The following CPT2 variants were observed in gnomAD, a reference collection of about 807,000 sequenced individuals.
CPT2 encodes carnitine palmitoyltransferase 2.
CPT2 carries 37 observed loss-of-function variants against 48.6 expected under a neutral mutation model. That is an observed-to-expected ratio of 0.76 (90% CI 0.59 to 1.00). The LOEUF is 1.00. CPT2 is among the 50% of genes least tolerant of loss of function. The pLI is 0.00. For synonymous variants in CPT2, 319 were observed against 326.9 expected (o/e 0.98, Z 0.26); for missense variants, 772 against 825.6 (o/e 0.94, Z 0.80).
chr1:53,206,890 T>A (rs1359659620), intron 3 of CPT2, among the ~76,000 whole-genome samples: 1 of 152,182 alleles, frequency 6.6e-6, no homozygotes, highest in East Asian at 1.9e-4. Flanking sequence ...ATGTTAGAAG[T>A]ACATGAAATT....
intron 2 of CPT2, chr1:53,201,853 C>G (rs2100261247): frequency 5.7e-6 from 1 of 174,744 alleles, no homozygotes; most frequent in East Asian, 1.6e-4. Context: ...GTAATAGCTA[C>G]CAGTTATTGA....
rs180830030 is a variant in CPT2, at chr1:53,209,999, T to C, written c.341-16T>C. On this transcript the variant is annotated splice_polypyrimidine_tract_variant and intron_variant, in intron 3 of 4. Transcript: ENST00000371486. ...GCATTAACATTTTATGTTATTTTTT[T>C]CTTTTTATTTTTTAGGACCCTGGTT... is the stretch of plus-strand genomic sequence containing the variant. The C allele has an allele frequency of 2.1e-3, 3,289 of 1,603,190 alleles. 2 individuals carry two copies. The highest frequency in any genetic ancestry group is 2.6e-3 in the Non-Finnish European group (2,997 of 1,170,462).
At chr1:53,203,178 C>T (rs1259918081) in intron 3 of CPT2, 1 of 152,344 alleles carries the variant, frequency 6.6e-6, no homozygotes, top group African/African-American at 2.4e-5. Context: ...AAATTAGATA[C>T]TTACCTTACT....
At position 53,200,901 on chromosome 1, in the gene CPT2, G is replaced by A; in HGVS notation, c.233+102G>A. 18 of 928,872 alleles carry A rather than the reference G, an allele frequency of 1.9e-5. No individual in the cohort carries two copies. In the South Asian group the frequency reaches 2.3e-4, roughly 12 times the overall value. 57.5% of individuals were successfully genotyped at this position (928,872 alleles called of 1,614,324 possible). A position where few individuals can be genotyped will look rare whatever the true frequency, so the allele number is the denominator to read the frequency against. ...CAGGGAATGTCTGTGACGTGGCTGG[G>A]TCTCCAGGAACCCAGAACCTAGTTG... On this transcript the variant is annotated intron_variant, in intron 2 of 4. Coordinates refer to ENST00000371486, the MANE Select transcript of CPT2 (RefSeq NM_000098.3).
intron 3 of CPT2, chr1:53,208,201 C>G (rs912712226): frequency 2.0e-5 from 3 of 152,188 alleles, no homozygotes; most frequent in African/African-American, 7.2e-5. Flanking sequence ...GCCTCCTTCA[C>G]CAGAGTTTTT....
intron 1 of CPT2, among the ~76,000 whole-genome samples, chr1:53,198,249 C>A (rs986342923): frequency 5.9e-5 from 9 of 152,210 alleles, no homozygotes; most frequent in Admixed American, 6.5e-5. Flanking sequence ...TCCCCACACT[C>A]CAAGAGCTAG....
rs1254482442 is a variant in CPT2 at position 53,213,149 on chromosome 1, T to C, written c.1646-115T>C. On this transcript the variant is annotated intron_variant, in intron 4 of 4. Coordinates refer to ENST00000371486, the MANE Select transcript of CPT2 (RefSeq NM_000098.3). ...TGGTGGTGTGCATAGAGGTAGAGCCTTCCCCCACTCTCAAGGATGCTGTGA... is the reference window on the plus strand; with the variant it reads ...TGGTGGTGTGCATAGAGGTAGAGCCCTCCCCCACTCTCAAGGATGCTGTGA... The C allele has an allele frequency of 3.1e-6, 3 of 969,194 alleles. No individual in the cohort carries two copies. The South Asian group carries it at 4.0e-5, about 13-fold the overall frequency. The allele number at this position is 969,194 out of a possible 1,614,324, so 60.0% of individuals were successfully genotyped here.
chr1:53,209,528 A>G (rs1172495287), intron 3 of CPT2: 1 of 192,534 alleles, frequency 5.2e-6, no homozygotes, highest in East Asian at 1.3e-4. Context: ...CCTTAAAAAC[A>G]TTATTAGGAG....
At chr1:53,202,258 C>A in intron 2 of CPT2, 65 bp from the exon 3 acceptor site, 1 of 1,332,910 alleles carries the variant, frequency 7.5e-7, no homozygotes, top group Non-Finnish European at 1.1e-6. Flanking sequence ...GAGTTCCTCG[C>A]CATGAACCTA....
At chr1:53,198,539 T>G (rs1212361202) in intron 1 of CPT2, among the ~76,000 whole-genome samples, 1 of 152,224 alleles carries the variant, frequency 6.6e-6, no homozygotes, top group East Asian at 1.9e-4. Flanking sequence ...AACCTGTGTG[T>G]ATGAGCTGAG....
intron 3 of CPT2, among the ~76,000 whole-genome samples, chr1:53,206,141 C>A (rs866600160): frequency 2.4e-4 from 36 of 150,022 alleles, no homozygotes; most frequent in African/African-American, 8.6e-4. Context: ...CAAGATAGCA[C>A]CACTGCACTC....
At chr1:53,209,928 C>A in intron 3 of CPT2, 87 bp from the exon 4 acceptor site, 3 of 1,152,062 alleles carry the variant, frequency 2.6e-6, no homozygotes, top group Non-Finnish European at 3.8e-6. Context: ...TTTCCTTTGT[C>A]TATGCTTGAA....
chr1:53,204,350 T>C (rs917631200), intron 3 of CPT2: 2 of 152,126 alleles, frequency 1.3e-5, no homozygotes, highest in Non-Finnish European at 2.9e-5. Flanking sequence ...AACCTGTTTT[T>C]AAAACTCCTG....
rs1380262670 is a variant in CPT2 at position 53,211,198 on chromosome 1, T to C, written c.1524T>C (p.Tyr508=). ...AGACCATCCGCCCGGCCTCCGTCTA[T>C]ACAAAGAGGTGCTCTGAGGCCTTTG... is the stretch of plus-strand genomic sequence containing the variant. The part of the protein sequence containing the change: ...RTETIRPASV[Y]TKRCSEAFVR... Residue 508 remains tyrosine, a synonymous_variant, in exon 4 of 5, where the codon TAT becomes TAC. Transcript: ENST00000371486. 1 of 1,609,654 alleles carries C rather than the reference T, an allele frequency of 6.2e-7. No homozygotes were observed. Among genetic ancestry groups the C allele is most frequent in the East Asian group, 2.2e-5 (1 of 44,794 alleles).
rs915617018 is a variant in CPT2, at chr1:53,213,042, A to G, written c.1646-222A>G. 3 of 602,294 alleles carry G rather than the reference A, an allele frequency of 5.0e-6. No homozygotes were observed. The African/African-American group carries it at 5.6e-5, about 11-fold the overall frequency. 37.3% of individuals were successfully genotyped at this position (602,294 alleles called of 1,614,324 possible). ...ATTTTTAGCTCAGCTGTTGACAGCT[A>G]TTTTTAAATGTAACATGACATAATA... On this transcript the variant is annotated intron_variant, in intron 4 of 4. Coordinates refer to ENST00000371486, the MANE Select transcript of CPT2 (RefSeq NM_000098.3).
chr1:53,204,925 G>C (rs1180043453), intron 3 of CPT2, among the ~76,000 whole-genome samples: 1 of 152,150 alleles, frequency 6.6e-6, no homozygotes, highest in Non-Finnish European at 1.5e-5. Flanking sequence ...GGAACTGTCA[G>C]TCAATTAGAC....
chr1:53,201,124 T>C (rs1048332869), intron 2 of CPT2: 2 of 397,566 alleles, frequency 5.0e-6, no homozygotes, highest in East Asian at 5.8e-5. Flanking sequence ...GGGAGGTCCA[T>C]TGAGGAGACC....
rs753074621 is a variant in CPT2 at position 53,211,172 on chromosome 1, G to A, written c.1498G>A (p.Glu500Lys). ...TGCCGCATTCAAGCACGGCCGCACT[G>A]AGACCATCCGCCCGGCCTCCGTCTA... Reference protein sequence around the residue: ...STAAFKHGRTETIRPASVYTK... With the variant: ...STAAFKHGRTKTIRPASVYTK... Residue 500 changes from glutamate to lysine, a missense_variant, in exon 4 of 5, where the codon GAG (glutamate) becomes AAG (lysine). By Grantham distance (56) the Glu-to-Lys change is moderately conservative. Coordinates refer to ENST00000371486, the MANE Select transcript of CPT2 (RefSeq NM_000098.3). 1 of 1,609,874 alleles carries A rather than the reference G, an allele frequency of 6.2e-7. No homozygotes were observed. The highest frequency in any genetic ancestry group is 8.5e-7 in the Non-Finnish European group (1 of 1,177,070).
Position 53,205,290 on chromosome 1 carries a change from G to A in CPT2, c.340+2861G>A, listed in dbSNP as rs1204437188. ...ACTGTGCTTTAGCAGAGAGACTGGT[G>A]GCATTTTGTCCCTGTCCTAGAGATC... is the stretch of plus-strand genomic sequence containing the variant. On this transcript the variant is annotated intron_variant, in intron 3 of 4. Coordinates refer to ENST00000371486, the MANE Select transcript of CPT2 (RefSeq NM_000098.3). 2.0e-5 allele frequency among the ~76,000 whole-genome samples: 3 copies of A among 152,292 alleles called. No individual in the cohort carries two copies. In the East Asian group the frequency reaches 5.8e-4, roughly 29 times the overall value.
Sources: gnomAD v4.1 joint callset for allele counts (sites outside exome capture counted in the v4.1 genomes callset) on GRCh38, gnomAD v4.1.1 for gene constraint, MANE v1.5 for transcripts, NCBI Gene and HGNC (gene_info 2026-07-23, HGNC 2026-07-21) for gene names.